Variants in ZNF407 observed in about 807,000 individuals in gnomAD.
ZNF407 encodes zinc finger protein 407.
A neutral mutation model predicts 131.2 loss-of-function variants in ZNF407; 17 were observed. That is an observed-to-expected ratio of 0.13 (90% CI 0.09 to 0.19). ZNF407 has a LOEUF of 0.19. ZNF407 is among the 10% of genes least tolerant of loss of function. ZNF407 has a pLI of 1.00. For synonymous variants in ZNF407, 1,156 were observed against 1,062.0 expected, an observed-to-expected ratio of 1.09 and a Z score of -1.72; for missense variants, 2,681 against 2,830.6, an observed-to-expected ratio of 0.95 and a Z score of 1.20.
Position 74,927,733 on chromosome 18 carries a change from T to A in ZNF407, c.5428+7041T>A, listed in dbSNP as rs62089914. Among the ~76,000 whole-genome samples, 483 of 152,336 alleles carry A rather than the reference T, an allele frequency of 3.2e-3. 5 individuals carry two copies. Among genetic ancestry groups the A allele is most frequent in the Non-Finnish European group, 5.4e-3 (368 of 68,030 alleles). ...CTGGATTTTGTTACTGCTATTTTAA[T>A]AGTAGCAAAGTAGAAGGAAAAGACT... On this transcript the variant is annotated intron_variant, in intron 8 of 8. Coordinates refer to ENST00000299687, the MANE Select transcript of ZNF407 (RefSeq NM_017757.3).
chr18:74,846,027 C>T (rs1970697887), intron 4 of ZNF407, among the ~76,000 whole-genome samples: 1 of 152,128 alleles, frequency 6.6e-6, no homozygotes. Context: ...TCTATATCAA[C>T]TTGGCTCTTT....
chr18:74,901,099 A>T (rs1272179489), intron 7 of ZNF407, among the ~76,000 whole-genome samples: 2 of 152,200 alleles, frequency 1.3e-5, no homozygotes, highest in Non-Finnish European at 2.9e-5. Flanking sequence ...AGGGTGCATT[A>T]TAACTGCTGA....
chr18:74,600,867 A>G (rs1220081786), intron 1 of ZNF407, among the ~76,000 whole-genome samples: 1 of 152,206 alleles, frequency 6.6e-6, no homozygotes, highest in Non-Finnish European at 1.5e-5. Flanking sequence ...CAGCATAGTG[A>G]CATGTACACC....
intron 8 of ZNF407, among the ~76,000 whole-genome samples, chr18:75,001,146 G>A (rs1972840939): frequency 6.6e-6 from 1 of 152,172 alleles, no homozygotes; most frequent in Admixed American, 6.5e-5. Flanking sequence ...TTTCTCCAGG[G>A]CCTGGCAGGG....
chr18:74,934,475 A>G (rs924698212), intron 8 of ZNF407, among the ~76,000 whole-genome samples: 2 of 152,206 alleles, frequency 1.3e-5, no homozygotes, highest in African/African-American at 4.8e-5. Context: ...ATCGCAAGCT[A>G]AATAAATCCT....
intron 8 of ZNF407, among the ~76,000 whole-genome samples, chr18:75,025,140 A>G (rs188175372): frequency 5.3e-5 from 8 of 152,336 alleles, no homozygotes; most frequent in Non-Finnish European, 8.8e-5. Context: ...CTCAAGATCA[A>G]TTTTCAATAT....
intron 3 of ZNF407, among the ~76,000 whole-genome samples, chr18:74,674,500 T>A (rs1011948063): frequency 1.3e-5 from 2 of 152,250 alleles, no homozygotes; most frequent in African/African-American, 4.8e-5. Context: ...CACTTTGTCC[T>A]TAAAATACTT....
At chr18:75,060,175 C>G (rs975266936) in intron 8 of ZNF407, 1 of 152,220 alleles carries the variant, frequency 6.6e-6, no homozygotes, top group Non-Finnish European at 1.5e-5. Flanking sequence ...GCCGGCAGCC[C>G]CGTTTAATGC....
intron 3 of ZNF407, among the ~76,000 whole-genome samples, chr18:74,762,277 G>A (rs1157785346): frequency 6.6e-6 from 1 of 151,924 alleles, no homozygotes; most frequent in Admixed American, 6.6e-5. Flanking sequence ...AAAGCAAAAA[G>A]GTAAAGAAGA....
chr18:74,733,347 C>T (rs1968337465), intron 3 of ZNF407, among the ~76,000 whole-genome samples: 1 of 151,914 alleles, frequency 6.6e-6, no homozygotes, highest in Non-Finnish European at 1.5e-5. Flanking sequence ...GTATATATGA[C>T]CAGAAGCTCA....
At chr18:74,745,375 CA>C (rs33911944) in intron 3 of ZNF407, among the ~76,000 whole-genome samples, 143,578 of 151,486 alleles carry the variant, frequency 0.95, 68,474 homozygotes, top group Non-Finnish European at 1. Flanking sequence ...TCTTCAGAGG[CA>C]AAAAAAAAAA....
At position 74,749,001 on chromosome 18, in the gene ZNF407, C is replaced by T. The variant is rs1246029557; in HGVS notation, c.4803-32427C>T. ...CATCAAAGTAATGAGGCGAAGAGAGCGCTTGGTGCTCATGGGCAGAGCTCA... is the reference window on the plus strand; with the variant it reads ...CATCAAAGTAATGAGGCGAAGAGAGTGCTTGGTGCTCATGGGCAGAGCTCA... On this transcript the variant is annotated intron_variant, in intron 3 of 8. Coordinates refer to ENST00000299687, the MANE Select transcript of ZNF407 (RefSeq NM_017757.3). Among the ~76,000 whole-genome samples, 6 of 152,220 alleles carry T rather than the reference C, an allele frequency of 3.9e-5. No individual in the cohort carries two copies. In the South Asian group the frequency reaches 6.2e-4, roughly 16 times the overall value.
At chr18:74,760,614 C>T (rs1969073241) in intron 3 of ZNF407, among the ~76,000 whole-genome samples, 1 of 152,016 alleles carries the variant, frequency 6.6e-6, no homozygotes, top group Non-Finnish European at 1.5e-5. Flanking sequence ...GGGGGTTATT[C>T]ACACACAGTG....
intron 4 of ZNF407, among the ~76,000 whole-genome samples, chr18:74,785,731 C>CGCATGCACCTG (rs546961217): frequency 6.6e-6 from 1 of 152,110 alleles, no homozygotes; most frequent in African/African-American, 2.4e-5. Context: ...TGTGGAAAAG[C>CGCATGCACCTG]GCATGCACCT....
chr18:74,852,769 G>T (rs1970807570), intron 4 of ZNF407, among the ~76,000 whole-genome samples: 1 of 152,108 alleles, frequency 6.6e-6, no homozygotes, highest in South Asian at 2.1e-4. Context: ...AAAATGAGTT[G>T]TAAGTCATAA....
At chr18:74,966,998 C>T (rs1018812337) in intron 8 of ZNF407, among the ~76,000 whole-genome samples, 6 of 152,186 alleles carry the variant, frequency 3.9e-5, no homozygotes, top group African/African-American at 1.4e-4. Context: ...CAGTGGCTCA[C>T]ACCTGTAATC....
At chr18:74,711,818 C>G (rs1463807571) in intron 3 of ZNF407, among the ~76,000 whole-genome samples, 1 of 152,198 alleles carries the variant, frequency 6.6e-6, no homozygotes, top group African/African-American at 2.4e-5. Context: ...TCAAGCGATT[C>G]TCCTGCCTCA....
rs776626351 is a variant in ZNF407 at position 75,063,013 on chromosome 18, G to C, written c.5429-137G>C. ...CTCTGGCCCTGCTGAAGCTTGCACTGTAGAGAGCTCTTCAGGGTTTGGAAT... is the reference window on the plus strand; with the variant it reads ...CTCTGGCCCTGCTGAAGCTTGCACTCTAGAGAGCTCTTCAGGGTTTGGAAT... On this transcript the variant is annotated intron_variant, in intron 8 of 8. Coordinates refer to ENST00000299687, the MANE Select transcript of ZNF407 (RefSeq NM_017757.3). The surrounding 1 kb of genome is among the most constrained non-coding windows in gnomAD (Gnocchi z 6.6). The C allele has an allele frequency of 1.6e-5, 13 of 795,472 alleles. No homozygotes were observed. The highest frequency in any genetic ancestry group is 3.8e-4 in the Middle Eastern group (1 of 2,662). 49.3% of individuals were successfully genotyped at this position (795,472 alleles called of 1,614,324 possible).
At chr18:74,757,894 T>C (rs1969001105) in intron 3 of ZNF407, among the ~76,000 whole-genome samples, 1 of 152,152 alleles carries the variant, frequency 6.6e-6, no homozygotes, top group South Asian at 2.1e-4. Context: ...GTTTTTTGGC[T>C]TCTAGTAACA....
Sources: gnomAD v4.1 joint callset for allele counts (sites outside exome capture counted in the v4.1 genomes callset) on GRCh38, gnomAD v4.1.1 for gene constraint, Gnocchi (gnomAD v3.1) non-coding constraint, MANE v1.5 for transcripts, NCBI Gene and HGNC (gene_info 2026-07-23, HGNC 2026-07-21) for gene names.